PDE1C: variants seen among roughly 807,000 people sequenced by gnomAD.
PDE1C encodes phosphodiesterase 1C.
Under a neutral mutation model 93.1 loss-of-function variants are expected in PDE1C, and 62 were observed. The ratio of observed to expected loss-of-function variants is 0.67; its 90% CI spans 0.54 to 0.82. The LOEUF is 0.82. PDE1C is among the 40% of genes least tolerant of loss of function. The pLI is 0.00. For synonymous variants in PDE1C, 325 were observed against 310.1 expected, an observed-to-expected ratio of 1.05 and a Z score of -0.50; for missense variants, 742 against 884.6, an observed-to-expected ratio of 0.84 and a Z score of 2.04.
intron 2 of PDE1C, among the ~76,000 whole-genome samples, chr7:31,965,249 A>T (rs568198230): frequency 6.6e-6 from 1 of 152,228 alleles, no homozygotes; most frequent in African/African-American, 2.4e-5. Flanking sequence ...TAACCAATGC[A>T]GAGAAGTCCT....
the PDE1C span, among the ~76,000 whole-genome samples, chr7:31,685,846 C>T: frequency 2.6e-5 from 4 of 152,214 alleles, no homozygotes; most frequent in Admixed American, 2.0e-4. Context: ...ACCCTCATCT[C>T]TTCCCAGGAG....
intron 15 of PDE1C, among the ~76,000 whole-genome samples, chr7:31,815,316 C>G (rs1053211956): frequency 6.6e-6 from 1 of 152,092 alleles, no homozygotes; most frequent in Non-Finnish European, 1.5e-5. Flanking sequence ...TGGTGCTTGG[C>G]ACGTAGTTGT....
the PDE1C span, among the ~76,000 whole-genome samples, chr7:31,734,401 G>A: frequency 2.6e-5 from 4 of 152,246 alleles, no homozygotes; most frequent in East Asian, 1.9e-4. Flanking sequence ...TCCGAAGGTC[G>A]GTCCACTTCT....
chr7:31,706,934 G>A, the PDE1C span, among the ~76,000 whole-genome samples: 1 of 152,196 alleles, frequency 6.6e-6, no homozygotes, highest in Admixed American at 6.5e-5. Flanking sequence ...GCAAGCTTAG[G>A]AGCAGAACTT....
intron 2 of PDE1C, among the ~76,000 whole-genome samples, chr7:31,978,422 C>A (rs1043435172): frequency 3.3e-5 from 5 of 152,168 alleles, no homozygotes; most frequent in Admixed American, 2.6e-4. Context: ...CCAAATTGGT[C>A]TTTTCAGAAA....
the PDE1C span, among the ~76,000 whole-genome samples, chr7:31,619,850 T>G: frequency 6.6e-6 from 1 of 152,162 alleles, no homozygotes; most frequent in Non-Finnish European, 1.5e-5. Flanking sequence ...TTCCCTTTCC[T>G]AGTCAAAGAA....
the PDE1C span, among the ~76,000 whole-genome samples, chr7:31,666,736 C>A: frequency 1.3e-5 from 2 of 152,126 alleles, no homozygotes; most frequent in African/African-American, 4.8e-5. Flanking sequence ...CCTATCACCC[C>A]AAATGTCCCC....
the PDE1C span, among the ~76,000 whole-genome samples, chr7:31,696,555 G>C: frequency 1.3e-5 from 2 of 152,184 alleles, no homozygotes; most frequent in Non-Finnish European, 2.9e-5. Context: ...GAAGTGTGCA[G>C]ACGCAGCTTG....
chr7:32,046,437 TC>T (rs1450634129), intron 2 of PDE1C, among the ~76,000 whole-genome samples: 2 of 152,120 alleles, frequency 1.3e-5, no homozygotes, highest in Non-Finnish European at 2.9e-5. Context: ...ATCTGATTGT[TC>T]CCAATGACCT....
At chr7:31,664,874 C>A in the PDE1C span, among the ~76,000 whole-genome samples, 2 of 152,172 alleles carry the variant, frequency 1.3e-5, no homozygotes, top group Non-Finnish European at 2.9e-5. Flanking sequence ...TTAACTCATT[C>A]TTTCCTTTAT....
chr7:31,742,947 CT>C, the PDE1C span, among the ~76,000 whole-genome samples: 1 of 152,192 alleles, frequency 6.6e-6, no homozygotes, highest in African/African-American at 2.4e-5. Context: ...GGTGCCCAAA[CT>C]CTCTTCAACT....
chr7:31,955,818 G>A (rs781255124), intron 2 of PDE1C, among the ~76,000 whole-genome samples: 3 of 152,192 alleles, frequency 2.0e-5, no homozygotes, highest in Non-Finnish European at 4.4e-5. Context: ...CCGCCTGCCA[G>A]TGCTACGTCA....
intron 3 of PDE1C, among the ~76,000 whole-genome samples, chr7:32,145,452 G>C (rs1343634714): frequency 6.6e-6 from 1 of 152,122 alleles, no homozygotes. Flanking sequence ...CAGTAAATGA[G>C]ATGGACAGAG....
At chr7:31,677,906 T>C in the PDE1C span, among the ~76,000 whole-genome samples, 1 of 151,988 alleles carries the variant, frequency 6.6e-6, no homozygotes, top group African/African-American at 2.4e-5. Flanking sequence ...ATGGAAAAAA[T>C]GCTAAGAATC....
intron 1 of PDE1C, among the ~76,000 whole-genome samples, chr7:32,342,716 C>T (rs1405985455): frequency 6.6e-6 from 1 of 152,058 alleles, no homozygotes; most frequent in Non-Finnish European, 1.5e-5. Context: ...CAAGTGAGGC[C>T]TCTTTGTACC....
At chr7:32,094,212 A>G (rs1797625992) in intron 3 of PDE1C, among the ~76,000 whole-genome samples, 1 of 152,214 alleles carries the variant, frequency 6.6e-6, no homozygotes, top group Admixed American at 6.5e-5. Context: ...ACATGATGGC[A>G]CTGAATACAG....
At chr7:32,375,624 C>T (rs1401894502) in intron 1 of PDE1C, among the ~76,000 whole-genome samples, 5 of 152,210 alleles carry the variant, frequency 3.3e-5, no homozygotes, top group Non-Finnish European at 5.9e-5. Flanking sequence ...AAAATGCCAA[C>T]AGTGGCCAGG....
chr7:32,200,940 T>G (rs1804964754), intron 2 of PDE1C, among the ~76,000 whole-genome samples: 2 of 152,186 alleles, frequency 1.3e-5, no homozygotes, highest in Non-Finnish European at 2.9e-5. Flanking sequence ...AGGCAGAAGT[T>G]TCAGATCCAA....
Position 31,880,809 on chromosome 7 carries a change from A to T in PDE1C, c.180T>A (p.Asp60Glu), listed in dbSNP as rs779402307. ...CTGCATATTCCAAATTCTTCTTAAG[A>T]TCTACCACTGAAGCTTCCCCTCTCT... ...QLERGEASVV[D>E]LKKNLEYAAT... The change falls in exon 3 of 18, where the codon GAT becomes GAA. Residue 60 changes from aspartate to glutamate, a missense_variant. Physicochemically the swap from Asp to Glu is conservative, Grantham distance 45 (BLOSUM62 2). Coordinates refer to ENST00000396191, the MANE Select transcript of PDE1C (RefSeq NM_001191057.4). 3 of 1,612,532 alleles carry T rather than the reference A, an allele frequency of 1.9e-6. No homozygotes were observed. The highest frequency in any genetic ancestry group is 2.2e-5 in the South Asian group (2 of 91,050).
Sources: gnomAD v4.1 joint callset for allele counts (sites outside exome capture counted in the v4.1 genomes callset) on GRCh38, gnomAD v4.1.1 for gene constraint, MANE v1.5 for transcripts, NCBI Gene and HGNC (gene_info 2026-07-23, HGNC 2026-07-21) for gene names.